KIAA0408: variants seen among roughly 807,000 people sequenced by gnomAD.
KIAA0408 encodes the protein uncharacterized protein KIAA0408.
KIAA0408 carries 51 observed loss-of-function variants against 60.9 expected under a neutral mutation model. That is an observed-to-expected ratio of 0.84 (90% CI 0.67 to 1.06). The LOEUF is 1.06. Ranked by LOEUF, KIAA0408 falls within the 50% of genes least tolerant of loss-of-function variation. The probability of loss-of-function intolerance (pLI) is 0.00; values close to 1 mark genes in which losing one functional copy is unlikely to be tolerated. For missense variants in KIAA0408, 787 were observed against 833.9 expected, an observed-to-expected ratio of 0.94 and a Z score of 0.69; for synonymous variants, 304 against 282.4, an observed-to-expected ratio of 1.08 and a Z score of -0.77.
chr6:127,454,032 C>A lies in KIAA0408; in HGVS notation c.-51G>T. 1 of 1,543,346 alleles carries A rather than the reference C, an allele frequency of 6.5e-7. No individual in the cohort carries two copies. Among genetic ancestry groups the A allele is most frequent in the Admixed American group, 2.0e-5 (1 of 49,996 alleles). The stretch of plus-strand genomic sequence containing the variant: ...AAGTGTTTCTGCTCTTCTCTGCCTC[C>A]TCTTAACTGTTTCTTGGAAGCTTGA... On this transcript the variant is annotated 5_prime_UTR_variant, in exon 2 of 6. In the 5' UTR this introduces an upstream ATG that the reference lacks. Coordinates refer to ENST00000483725, the MANE Select transcript of KIAA0408 (RefSeq NM_014702.5).
In KIAA0408 at chr6:127,447,006, A is replaced by T; in HGVS notation, c.1313T>A (p.Leu438Gln). The change falls in exon 5 of 6, where the codon CTG (leucine) becomes CAG (glutamine). Residue 438 changes from leucine to glutamine, a missense_variant. Around this residue, in one of 3 missense-constraint regions of KIAA0408, gnomAD observed 640 missense variants for 681.3 expected, o/e 0.94. Coordinates refer to ENST00000483725, the MANE Select transcript of KIAA0408 (RefSeq NM_014702.5). The stretch of plus-strand genomic sequence containing the variant: ...GTTAAATTCATCAGTCTTTGCTGCC[A>T]GCTTCTCATTCCTTGTAGTCCTTTC... ...GFERTTRNEK[L>Q]AAKTDEFNRT... 1 of 1,613,792 alleles carries T rather than the reference A, an allele frequency of 6.2e-7. No individual in the cohort carries two copies. Among genetic ancestry groups the T allele is most frequent in the Non-Finnish European group, 8.5e-7 (1 of 1,179,944 alleles).
Position 127,441,226 on chromosome 6 carries a change from A to C in KIAA0408, c.*2883T>G, listed in dbSNP as rs1160254206. ...AACCTGGTAAAATCACCTATATAGA[A>C]GTAAATAATATTTTATGGCCACATC... is the stretch of plus-strand genomic sequence containing the variant. On this transcript the variant is annotated 3_prime_UTR_variant, in exon 6 of 6. Coordinates refer to ENST00000483725, the MANE Select transcript of KIAA0408 (RefSeq NM_014702.5). 2 of 152,628 alleles carry C rather than the reference A, an allele frequency of 1.3e-5. No homozygotes were observed. Among genetic ancestry groups the C allele is most frequent in the Admixed American group, 6.5e-5 (1 of 15,282 alleles). The allele number at this position is 152,628 out of a possible 1,614,324, so 9.5% of individuals were successfully genotyped here.
chr6:127,457,489 G>A (rs190368794), intron 1 of KIAA0408, among the ~76,000 whole-genome samples: 24 of 152,304 alleles, frequency 1.6e-4, no homozygotes, highest in Non-Finnish European at 2.2e-4. Context: ...CTTCCTTCTA[G>A]AATTCCATTT....
At chr6:127,444,677 T>G (rs1773159200) in intron 5 of KIAA0408, among the ~76,000 whole-genome samples, 1 of 152,070 alleles carries the variant, frequency 6.6e-6, no homozygotes, top group African/African-American at 2.4e-5. Flanking sequence ...TAGAAGAAAC[T>G]GTTCATTTAT....
intron 2 of KIAA0408, among the ~76,000 whole-genome samples, chr6:127,452,904 C>G (rs1236503229): frequency 6.6e-6 from 1 of 152,056 alleles, no homozygotes; most frequent in Admixed American, 6.6e-5. Context: ...GCCTTCTCAG[C>G]TCTATTTTAG....
At chr6:127,453,251 C>G (rs1206187910) in intron 2 of KIAA0408, among the ~76,000 whole-genome samples, 1 of 152,026 alleles carries the variant, frequency 6.6e-6, no homozygotes, top group African/African-American at 2.4e-5. Context: ...TTAACGGGAA[C>G]AAAATGACTG....
chr6:127,449,970 G>T lies in KIAA0408; in HGVS notation c.498+20C>A, dbSNP rs1464008155. The T allele has an allele frequency of 6.2e-7, 1 of 1,613,634 alleles. No homozygotes were observed. On this transcript the variant is annotated intron_variant, in intron 3 of 5. Coordinates refer to ENST00000483725, the MANE Select transcript of KIAA0408 (RefSeq NM_014702.5). ...AATATTTCTTTAGAAACAGTTCTAG[G>T]CCAATCACATCTTACTTACTGTACT...
rs950835001 is a variant in KIAA0408 at position 127,439,066 on chromosome 6, C to T, written c.*5043G>A. The T allele has an allele frequency of 1.9e-4, 29 of 154,298 alleles. No individual in the cohort carries two copies. Among genetic ancestry groups the T allele is most frequent in the African/African-American group, 7.0e-4 (29 of 41,460 alleles). The allele number at this position is 154,298 out of a possible 1,614,324, so 9.6% of individuals were successfully genotyped here. A position where few individuals can be genotyped will look rare whatever the true frequency, so the allele number is the denominator to read the frequency against. ...CATATAAAGACACAGCAATAAGGCACCACCTTGAAAGCACACAGCAGCCCT... is the reference window on the plus strand; with the variant it reads ...CATATAAAGACACAGCAATAAGGCATCACCTTGAAAGCACACAGCAGCCCT... On this transcript the variant is annotated 3_prime_UTR_variant, in exon 6 of 6. Coordinates refer to ENST00000483725, the MANE Select transcript of KIAA0408 (RefSeq NM_014702.5).
intron 5 of KIAA0408, among the ~76,000 whole-genome samples, chr6:127,445,158 C>G (rs547701414): frequency 3.3e-5 from 5 of 152,182 alleles, no homozygotes; most frequent in Admixed American, 2.0e-4. Flanking sequence ...TTTTTGGAGA[C>G]TTATTTTCTA....
chr6:127,446,977 T>C lies in KIAA0408; in HGVS notation c.1342A>G (p.Thr448Ala). ...CAATTTCTATCTGTTCTAAATACAG[T>C]TCTGTTAAATTCATCAGTCTTTGCT... ...LAAKTDEFNR[T>A]VFRTDRNCQA... Residue 448 changes from threonine (T) to alanine (A), a missense_variant, in exon 5 of 6, where the codon ACT becomes GCT. Transcript: ENST00000483725. The C allele has an allele frequency of 6.2e-7, 1 of 1,614,028 alleles. No individual in the cohort carries two copies. Among genetic ancestry groups the C allele is most frequent in the Non-Finnish European group, 8.5e-7 (1 of 1,179,996 alleles).
Position 127,438,595 on chromosome 6 carries a change from A to G in KIAA0408, c.*5514T>C, listed in dbSNP as rs1773056984. On this transcript the variant is annotated 3_prime_UTR_variant, in exon 6 of 6. Coordinates refer to ENST00000483725, the MANE Select transcript of KIAA0408 (RefSeq NM_014702.5). ...AGCGAACATCACAGAGTGTAATTAT[A>G]TAAATCTAGATGGTAGGCTTGAAAG... 6.6e-6 allele frequency: 1 copy of G among 152,222 alleles called. No homozygotes were observed. The highest frequency in any genetic ancestry group is 1.5e-5 in the Non-Finnish European group (1 of 68,042). 9.4% of individuals were successfully genotyped at this position (152,222 alleles called of 1,614,324 possible).
At chr6:127,456,892 C>T (rs1247492565) in intron 1 of KIAA0408, among the ~76,000 whole-genome samples, 1 of 151,852 alleles carries the variant, frequency 6.6e-6, no homozygotes, top group Non-Finnish European at 1.5e-5. Flanking sequence ...CTGAAAAATA[C>T]TTGGTTCTTG....
intron 4 of KIAA0408, 43 bp downstream of exon 4, chr6:127,449,779 T>A: frequency 6.2e-7 from 1 of 1,609,670 alleles, no homozygotes; most frequent in Non-Finnish European, 8.5e-7. Flanking sequence ...AACAATATTA[T>A]TTTTTATTTA....
rs1036929016 is a variant in KIAA0408 at position 127,442,783 on chromosome 6, A to G, written c.*1326T>C. 1.3e-5 allele frequency: 2 copies of G among 152,240 alleles called. No homozygotes were observed. Among genetic ancestry groups the G allele is most frequent in the African/African-American group, 4.8e-5 (2 of 41,474 alleles). The allele number at this position is 152,240 out of a possible 1,614,324, so 9.4% of individuals were successfully genotyped here. A position where few individuals can be genotyped will look rare whatever the true frequency, so the allele number is the denominator to read the frequency against. On this transcript the variant is annotated 3_prime_UTR_variant, in exon 6 of 6. Coordinates refer to ENST00000483725, the MANE Select transcript of KIAA0408 (RefSeq NM_014702.5). ...AAAAGCTTAAATAGAGTTAATATCT[A>G]ATAACATAACATAATTGGTTTTATA...
At position 127,445,714 on chromosome 6, in the gene KIAA0408, T is replaced by C. The variant is rs891804697; in HGVS notation, c.1911+694A>G. 5.9e-5 allele frequency among the ~76,000 whole-genome samples: 9 copies of C among 152,160 alleles called. 1 individual carries two copies. Among genetic ancestry groups the C allele is most frequent in the Admixed American group, 5.9e-4 (9 of 15,276 alleles). On this transcript the variant is annotated intron_variant, in intron 5 of 5. Coordinates refer to ENST00000483725, the MANE Select transcript of KIAA0408 (RefSeq NM_014702.5). The stretch of plus-strand genomic sequence containing the variant: ...AATACCAATTTCTTTGACCTCTTTT[T>C]CTCTTATAACTAATGAAGATTAAAC...
chr6:127,449,512 C>T (rs1315054166), intron 4 of KIAA0408, among the ~76,000 whole-genome samples: 3 of 151,908 alleles, frequency 2.0e-5, no homozygotes, highest in Non-Finnish European at 2.9e-5. Flanking sequence ...ACTAGCTGGG[C>T]GTGGTGGTGT....
chr6:127,449,720 C>T (rs1773265942), intron 4 of KIAA0408, 102 bp downstream of exon 4: 12 of 1,439,408 alleles, frequency 8.3e-6, no homozygotes, highest in South Asian at 3.8e-5. Context: ...TTTAATAACT[C>T]ATTAGTTCTT....
chr6:127,447,200 G>C lies in KIAA0408; in HGVS notation c.1119C>G (p.Pro373=). ...CDIGIGAKRS[P]STSWFQKTCS... ...AGGTTTTCTGAAACCACGAAGTAGA[G>C]GGGCTCCTTTTTGCACCTATCCCAA... is the stretch of plus-strand genomic sequence containing the variant. Residue 373 remains proline, a synonymous_variant, in exon 5 of 6, where the codon CCC becomes CCG. Coordinates refer to ENST00000483725, the MANE Select transcript of KIAA0408 (RefSeq NM_014702.5). 1.2e-6 allele frequency: 2 copies of C among 1,612,220 alleles called. No individual in the cohort carries two copies. Among genetic ancestry groups the C allele is most frequent in the South Asian group, 2.2e-5 (2 of 90,688 alleles).
rs1464094085 is a variant in KIAA0408, at chr6:127,454,260, G to A, written c.-120-159C>T. The stretch of plus-strand genomic sequence containing the variant: ...TACTTAAGAAGAAGAAACTAACACA[G>A]TCAATAAAGTAATAAGTATTGTCCA... On this transcript the variant is annotated intron_variant, in intron 1 of 5. Transcript: ENST00000483725. 3 of 608,962 alleles carry A rather than the reference G, an allele frequency of 4.9e-6. No homozygotes were observed. In the African/African-American group the frequency reaches 5.8e-5, roughly 12 times the overall value. The allele number at this position is 608,962 out of a possible 1,614,324, so 37.7% of individuals were successfully genotyped here.
Sources: allele counts gnomAD v4.1 joint callset (sites outside exome capture counted in the v4.1 genomes callset), GRCh38; gene constraint gnomAD v4.1.1; regional missense constraint gnomAD v4.1.1; transcripts MANE v1.5; gene names NCBI Gene and HGNC (gene_info 2026-07-23, HGNC 2026-07-21).